EPHA4: variants seen among roughly 807,000 people sequenced by gnomAD.
EPHA4 encodes the protein ephrin type-A receptor 4.
A neutral mutation model predicts 108.3 loss-of-function variants in EPHA4; 19 were observed. That is an observed-to-expected ratio of 0.18 (90% confidence interval 0.12 to 0.26). The LOEUF (loss-of-function observed/expected upper bound fraction) is 0.26. EPHA4 is among the 10% of genes least tolerant of loss of function. The pLI is 1.00. For synonymous variants in EPHA4, 449 were observed against 455.5 expected (o/e 0.99, Z 0.18); for missense variants, 917 against 1,254.0 (o/e 0.73, Z 4.06).
intron 3 of EPHA4, among the ~76,000 whole-genome samples, chr2:221,549,902 A>G (rs2106197843): frequency 6.6e-6 from 1 of 152,314 alleles, no homozygotes; most frequent in Admixed American, 6.5e-5. Context: ...GAGGCAGGGG[A>G]ATTGCTTGAA....
chr2:221,459,325 T>TA (rs1691069731), intron 5 of EPHA4, among the ~76,000 whole-genome samples: 1 of 148,724 alleles, frequency 6.7e-6, no homozygotes, highest in South Asian at 2.2e-4. Context: ...TATTTTTTTT[T>TA]CCTCTCTCTC....
rs755331380 is a variant in EPHA4 at position 221,425,008 on chromosome 2, C to T, written c.*819+201G>A. Among the ~76,000 whole-genome samples, 5 of 152,132 alleles carry T rather than the reference C, an allele frequency of 3.3e-5. 1 individual carries two copies. The South Asian group carries it at 8.3e-4, about 25-fold the overall frequency. On this transcript the variant is annotated intron_variant, in intron 17 of 17. Coordinates refer to ENST00000281821, the MANE Select transcript of EPHA4 (RefSeq NM_004438.5). ...ATCTGGGTCATATGTCACTTCTCCC[C>T]GGAAGAATAGCAGGGAAACCACACT...
intron 13 of EPHA4, 35 bp from the exon 14 acceptor site, chr2:221,434,326 TA>T: frequency 6.2e-7 from 1 of 1,607,474 alleles, no homozygotes; most frequent in Non-Finnish European, 8.5e-7. Flanking sequence ...ATTCCTTAAG[TA>T]CATCACTGAT....
chr2:221,476,533 T>C (rs1691657348), intron 5 of EPHA4, among the ~76,000 whole-genome samples: 1 of 152,256 alleles, frequency 6.6e-6, no homozygotes, highest in Admixed American at 6.5e-5. Flanking sequence ...CTGTTACTAG[T>C]CTGACATTTG....
chr2:221,503,194 C>T (rs1692529443), intron 3 of EPHA4, among the ~76,000 whole-genome samples: 1 of 152,170 alleles, frequency 6.6e-6, no homozygotes, highest in African/African-American at 2.4e-5. Context: ...AAAGAAGGCA[C>T]AAAATGCTTT....
intron 3 of EPHA4, among the ~76,000 whole-genome samples, chr2:221,561,025 G>A (rs1170472198): frequency 2.0e-5 from 3 of 152,070 alleles, no homozygotes; most frequent in Non-Finnish European, 2.9e-5. Context: ...GGTGGATCAC[G>A]AGGTCAGGAG....
intron 5 of EPHA4, among the ~76,000 whole-genome samples, chr2:221,478,886 C>A (rs1691737950): frequency 1.3e-5 from 2 of 152,234 alleles, no homozygotes; most frequent in South Asian, 4.1e-4. Flanking sequence ...ATCCTTCCAT[C>A]AGCTTATCAG....
intron 3 of EPHA4, among the ~76,000 whole-genome samples, chr2:221,520,485 T>C (rs1693128598): frequency 6.7e-6 from 1 of 149,372 alleles, no homozygotes; most frequent in Non-Finnish European, 1.5e-5. Flanking sequence ...AGACCCAGAG[T>C]GTAAGACTTA....
intron 14 of EPHA4, among the ~76,000 whole-genome samples, chr2:221,431,043 T>A (rs1035638268): frequency 5.9e-5 from 9 of 152,192 alleles, no homozygotes; most frequent in Non-Finnish European, 1.3e-4. Context: ...CTTATAGCCT[T>A]TTCTCTAACA....
At chr2:221,565,626 T>C (rs1409187100) in intron 2 of EPHA4, among the ~76,000 whole-genome samples, 1 of 152,192 alleles carries the variant, frequency 6.6e-6, no homozygotes, top group Non-Finnish European at 1.5e-5. Flanking sequence ...TCTTAATGGA[T>C]GGAAATGTTA....
chr2:221,507,762 A>C (rs1463977355), intron 3 of EPHA4, among the ~76,000 whole-genome samples: 1 of 152,232 alleles, frequency 6.6e-6, no homozygotes, highest in African/African-American at 2.4e-5. Context: ...CAGGTCTCTC[A>C]GGTGCGGCCT....
intron 3 of EPHA4, among the ~76,000 whole-genome samples, chr2:221,548,520 C>CT (rs1694069955): frequency 6.6e-6 from 1 of 152,118 alleles, no homozygotes; most frequent in African/African-American, 2.4e-5. Context: ...TCTGTACAGC[C>CT]TGCAGAACCA....
intron 3 of EPHA4, among the ~76,000 whole-genome samples, chr2:221,531,075 T>C (rs1693498588): frequency 6.6e-6 from 1 of 152,158 alleles, no homozygotes; most frequent in South Asian, 2.1e-4. Flanking sequence ...GCTGCTTTAA[T>C]TGCAGCAAAC....
At chr2:221,458,516 G>T (rs924804763) in intron 5 of EPHA4, among the ~76,000 whole-genome samples, 1 of 152,164 alleles carries the variant, frequency 6.6e-6, no homozygotes, top group Non-Finnish European at 1.5e-5. Flanking sequence ...TAAAAGTACT[G>T]CTTAATCACA....
At position 221,418,492 on chromosome 2, in the gene EPHA4, A is replaced by G. The variant is rs1186933059; in HGVS notation, c.*2880T>C. The G allele has an allele frequency of 2.0e-5, 3 of 152,664 alleles. No homozygotes were observed. Among genetic ancestry groups the G allele is most frequent in the Non-Finnish European group, 2.9e-5 (2 of 68,042 alleles). The allele number at this position is 152,664 out of a possible 1,614,324, so 9.5% of individuals were successfully genotyped here. A position where few individuals can be genotyped will look rare whatever the true frequency, so the allele number is the denominator to read the frequency against. ...AGAATTTAAGTGTCTTCAGACAAAT[A>G]TTGAGGCTATACGGGTGTACGGATT... On this transcript the variant is annotated 3_prime_UTR_variant, in exon 18 of 18. Coordinates refer to ENST00000281821, the MANE Select transcript of EPHA4 (RefSeq NM_004438.5).
intron 3 of EPHA4, 93 bp from the exon 4 acceptor site, chr2:221,501,265 G>T: frequency 8.7e-7 from 1 of 1,154,274 alleles, no homozygotes; most frequent in South Asian, 1.8e-5. Context: ...CAGAAGAAGG[G>T]AGACGTTCTT....
chr2:221,543,372 G>A (rs1017638967), intron 3 of EPHA4, among the ~76,000 whole-genome samples: 1 of 152,120 alleles, frequency 6.6e-6, no homozygotes, highest in African/African-American at 2.4e-5. Flanking sequence ...TCATTTTGTG[G>A]TGTATATGTG....
In EPHA4 at chr2:221,430,050, G is replaced by A. The variant is rs779738045; in HGVS notation, c.2598C>T (p.Ser866=). 42 of 1,613,914 alleles carry A rather than the reference G, an allele frequency of 2.6e-5. No homozygotes were observed. In the East Asian group the frequency reaches 6.2e-4, roughly 24 times the overall value. The change falls in exon 15 of 18, where the codon AGC becomes AGT. Residue 866 remains serine (S), a synonymous_variant. Coordinates refer to ENST00000281821, the MANE Select transcript of EPHA4 (RefSeq NM_004438.5). ...CAATCTGCCCAAATTTAGGCCTGTCGCTCCTCTCCTTCTGCCAGCAGTCTA... is the reference window on the plus strand; with the variant it reads ...CAATCTGCCCAAATTTAGGCCTGTCACTCCTCTCCTTCTGCCAGCAGTCTA... ...LMLDCWQKER[S]DRPKFGQIVN...
intron 5 of EPHA4, among the ~76,000 whole-genome samples, chr2:221,470,041 T>C (rs535520094): frequency 6.6e-6 from 1 of 152,288 alleles, no homozygotes; most frequent in South Asian, 2.1e-4. Context: ...CTTTCTCTTG[T>C]TGCACTTAAA....
Sources: allele counts gnomAD v4.1 joint callset (sites outside exome capture counted in the v4.1 genomes callset), GRCh38; gene constraint gnomAD v4.1.1; transcripts MANE v1.5; gene names NCBI Gene and HGNC (gene_info 2026-07-23, HGNC 2026-07-21).